SVEP1: variants seen among roughly 807,000 people sequenced by gnomAD.
The protein encoded by SVEP1 is sushi, von Willebrand factor type A, EGF and pentraxin domain-containing protein 1.
A neutral mutation model predicts 367.3 loss-of-function variants in SVEP1; 164 were observed. That is an observed-to-expected ratio of 0.45 (90% CI 0.39 to 0.51). The LOEUF (loss-of-function observed/expected upper bound fraction) is 0.51, where lower values mean the gene tolerates loss of function less well. Ranked by LOEUF, SVEP1 falls within the 20% of genes least tolerant of loss-of-function variation. The pLI is 0.00. For synonymous variants in SVEP1, 1,666 were observed against 1,611.6 expected (o/e 1.03, Z -0.81); for missense variants, 4,117 against 4,425.3 (o/e 0.93, Z 1.98).
At chr9:110,491,675 G>C (rs1234358264) in intron 8 of SVEP1, among the ~76,000 whole-genome samples, 1 of 151,260 alleles carries the variant, frequency 6.6e-6, no homozygotes, top group East Asian at 1.9e-4. Flanking sequence ...AATTACATCA[G>C]GGATACAAAG....
At chr9:110,450,494 G>C (rs1396023843) in intron 23 of SVEP1, among the ~76,000 whole-genome samples, 1 of 114,710 alleles carries the variant, frequency 8.7e-6, no homozygotes, top group East Asian at 2.8e-4. Flanking sequence ...TTTTGAGACA[G>C]AGTCTTGCTC....
chr9:110,407,081 G>A lies in SVEP1; in HGVS notation c.8519C>T (p.Ala2840Val), dbSNP rs767320138. 1.9e-6 allele frequency: 3 copies of A among 1,613,958 alleles called. No homozygotes were observed. Among genetic ancestry groups the A allele is most frequent in the Non-Finnish European group, 2.5e-6 (3 of 1,179,884 alleles). The change falls in exon 38 of 48, where the codon GCC becomes GTC. Residue 2840 changes from alanine (A) to valine (V), a missense_variant. Coordinates refer to ENST00000374469, the MANE Select transcript of SVEP1 (RefSeq NM_153366.4). ...CTCGTCTCCTCTCACCTGGCCATTG[G>A]CTGAGACTGGGGGTGAACTGCAGTC... ...PVDCSSPPVS[A>V]NGQVRGDEYT... is the part of the protein sequence containing the mutation.
Position 110,481,220 on chromosome 9 carries a change from C to G in SVEP1, c.2365+22G>C, listed in dbSNP as rs755322797. ...ACACATTCACACACATTAAAGAAGTCTAGAATAAAATTAAAACTTACTGGC... is the reference window on the plus strand; with the variant it reads ...ACACATTCACACACATTAAAGAAGTGTAGAATAAAATTAAAACTTACTGGC... On this transcript the variant is annotated intron_variant, in intron 12 of 47. Transcript: ENST00000374469. 1.6e-5 allele frequency: 23 copies of G among 1,466,260 alleles called. 1 individual carries two copies. The highest frequency in any genetic ancestry group is 3.6e-4 in the Middle Eastern group (2 of 5,568). 90.8% of individuals were successfully genotyped at this position (1,466,260 alleles called of 1,614,324 possible).
At chr9:110,462,448 G>A (rs1279417473) in intron 18 of SVEP1, among the ~76,000 whole-genome samples, 1 of 150,870 alleles carries the variant, frequency 6.6e-6, no homozygotes, top group Non-Finnish European at 1.5e-5. Flanking sequence ...ATTTAATAGA[G>A]TATTTATATA....
At chr9:110,484,753 A>C (rs1829250670) in intron 9 of SVEP1, among the ~76,000 whole-genome samples, 4 of 152,104 alleles carry the variant, frequency 2.6e-5, no homozygotes, top group South Asian at 2.1e-4. Flanking sequence ...GAAAAAAAAA[A>C]CCATTAAAAA....
chr9:110,555,565 G>A (rs1462753006), intron 1 of SVEP1, among the ~76,000 whole-genome samples: 1 of 152,126 alleles, frequency 6.6e-6, no homozygotes, highest in Non-Finnish European at 1.5e-5. Context: ...ATTTAGCAGT[G>A]ATTTCTTGCT....
chr9:110,458,632 G>A (rs1369887888), intron 19 of SVEP1, 70 bp from the exon 20 acceptor site: 1 of 1,418,692 alleles, frequency 7.0e-7, no homozygotes, highest in Non-Finnish European at 9.6e-7. Context: ...CTAACACTAT[G>A]GTCAAGATTC....
intron 27 of SVEP1, 44 bp downstream of exon 27, chr9:110,443,501 C>A: frequency 6.7e-7 from 1 of 1,489,592 alleles, no homozygotes; most frequent in Non-Finnish European, 9.0e-7. Context: ...AGCAGCATCA[C>A]CTCTAGAGTC....
intron 1 of SVEP1, among the ~76,000 whole-genome samples, chr9:110,556,998 C>T (rs1159228794): frequency 6.6e-6 from 1 of 152,210 alleles, no homozygotes; most frequent in Non-Finnish European, 1.5e-5. Flanking sequence ...CCAAACAACA[C>T]ACCATAAGCT....
intron 5 of SVEP1, among the ~76,000 whole-genome samples, chr9:110,508,352 A>G (rs1829655271): frequency 1.3e-5 from 2 of 152,184 alleles, no homozygotes; most frequent in Non-Finnish European, 2.9e-5. Flanking sequence ...TCTATTACTG[A>G]AAATAAAATA....
intron 7 of SVEP1, among the ~76,000 whole-genome samples, chr9:110,497,992 T>C (rs1646449613): frequency 6.6e-6 from 1 of 152,132 alleles, no homozygotes; most frequent in Admixed American, 6.6e-5. Context: ...AAGTATTTGA[T>C]TTTTCATTCA....
chr9:110,382,887 TTG>T (rs1283998154), intron 43 of SVEP1, among the ~76,000 whole-genome samples: 2 of 152,178 alleles, frequency 1.3e-5, no homozygotes, highest in African/African-American at 4.8e-5. Context: ...AGTTCTCGTG[TTG>T]TGTTTTTCAG....
chr9:110,404,659 AACATATTGATTGTTGC>A, intron 38 of SVEP1, 107 bp from the exon 39 acceptor site: 1 of 1,024,990 alleles, frequency 9.8e-7, no homozygotes, highest in Non-Finnish European at 1.5e-6. Context: ...TATTTTGTGC[AACATATTGATTGTTGC>A]ACAATCAATA....
At chr9:110,454,233 T>G (rs1346600083) in intron 22 of SVEP1, among the ~76,000 whole-genome samples, 1 of 152,194 alleles carries the variant, frequency 6.6e-6, no homozygotes, top group African/African-American at 2.4e-5. Context: ...ACTTGTTAAT[T>G]TTTGTTTTTG....
chr9:110,375,076 C>T (rs2118943257), intron 46 of SVEP1, among the ~76,000 whole-genome samples: 1 of 151,654 alleles, frequency 6.6e-6, no homozygotes, highest in East Asian at 2.0e-4. Flanking sequence ...TATTCTGAAC[C>T]TCTGTGTAAT....
At chr9:110,395,496 A>AT (rs1403927781) in intron 40 of SVEP1, among the ~76,000 whole-genome samples, 8 of 152,204 alleles carry the variant, frequency 5.3e-5, no homozygotes, top group Non-Finnish European at 1.0e-4. Context: ...AAATTCACAC[A>AT]TAACAATATT....
At chr9:110,438,526 T>C (rs7855991) in intron 27 of SVEP1, among the ~76,000 whole-genome samples, 34,982 of 152,062 alleles carry the variant, frequency 0.23, 4,545 homozygotes, top group East Asian at 0.4. Flanking sequence ...TTTTAACACA[T>C]GAATGGACAA....
intron 40 of SVEP1, among the ~76,000 whole-genome samples, chr9:110,399,344 G>T (rs1254679007): frequency 6.6e-6 from 1 of 150,982 alleles, no homozygotes; most frequent in East Asian, 1.9e-4. Flanking sequence ...GGGTCCTGTT[G>T]TGGGGTCGGG....
Position 110,579,517 on chromosome 9 carries a change from G to A in SVEP1, c.27C>T (p.Cys9=). 1 of 1,604,376 alleles carries A rather than the reference G, an allele frequency of 6.2e-7. No individual in the cohort carries two copies. Among genetic ancestry groups the A allele is most frequent in the Non-Finnish European group, 8.5e-7 (1 of 1,176,632 alleles). Residue 9 remains cysteine, a synonymous_variant, in exon 1 of 48, where the codon TGC becomes TGT. Coordinates refer to ENST00000374469, the MANE Select transcript of SVEP1 (RefSeq NM_153366.4). The surrounding 1 kb of genome is among the most constrained non-coding windows in gnomAD (Gnocchi z 5.3). MWPRLAFC[C]WGLALVSGWA... ...AGCCCGAAACGAGCGCCAGACCCCA[G>A]CAACAAAAGGCCAGGCGAGGCCACA...
Sources: allele counts gnomAD v4.1 joint callset (sites outside exome capture counted in the v4.1 genomes callset), GRCh38; gene constraint gnomAD v4.1.1; non-coding constraint Gnocchi (gnomAD v3.1); transcripts MANE v1.5; gene names NCBI Gene and HGNC (gene_info 2026-07-23, HGNC 2026-07-21).